Variants in SUCLG2 observed in about 807,000 individuals in gnomAD.
SUCLG2 encodes the protein succinate-CoA ligase GDP-forming subunit beta.
Under a neutral mutation model 47.9 loss-of-function variants are expected in SUCLG2, and 42 were observed. That is an observed-to-expected ratio of 0.88 (90% CI 0.69 to 1.14). SUCLG2 has a LOEUF of 1.14. Ranked by LOEUF, SUCLG2 falls within the 50% of genes most tolerant of loss-of-function variation. SUCLG2 has a pLI of 0.00. For synonymous variants in SUCLG2, 195 were observed against 197.3 expected, an observed-to-expected ratio of 0.99 and a Z score of 0.10; for missense variants, 571 against 525.9, an observed-to-expected ratio of 1.09 and a Z score of -0.84.
At chr3:67,625,306 T>A (rs1442539759) in intron 1 of SUCLG2, among the ~76,000 whole-genome samples, 1 of 152,210 alleles carries the variant, frequency 6.6e-6, no homozygotes, top group Non-Finnish European at 1.5e-5. Flanking sequence ...TGTTTGTTTA[T>A]GCTAACTGCA....
intron 2 of SUCLG2, among the ~76,000 whole-genome samples, chr3:67,576,779 G>C (rs1012997190): frequency 6.6e-6 from 1 of 152,216 alleles, no homozygotes; most frequent in African/African-American, 2.4e-5. Flanking sequence ...GGTTGGAGGC[G>C]AAAAGCATGT....
chr3:67,482,894 C>A (rs1033363044), intron 9 of SUCLG2, among the ~76,000 whole-genome samples: 1 of 152,138 alleles, frequency 6.6e-6, no homozygotes, highest in Non-Finnish European at 1.5e-5. Flanking sequence ...AGAGCAGACA[C>A]CTAAACGTTT....
Position 67,528,175 on chromosome 3 carries a change from A to G in SUCLG2, c.374T>C (p.Leu125Pro). ...QLAKQMIGYNLATKQTPKEGV... is the reference protein window; with the variant it reads ...QLAKQMIGYNPATKQTPKEGV... Reference sequence around the variant, plus strand: ...TTCTTTTGGAGTTTGTTTTGTCGCTAGATTGTACCCAATCATCTGTTTAGC... The same window carrying G: ...TTCTTTTGGAGTTTGTTTTGTCGCTGGATTGTACCCAATCATCTGTTTAGC... The change falls in exon 4 of 11, where the codon CTA (leucine) becomes CCA (proline). Residue 125 changes from leucine to proline, a missense_variant. Transcript: ENST00000307227. 6.2e-7 allele frequency: 1 copy of G among 1,613,948 alleles called. No homozygotes were observed. Among genetic ancestry groups the G allele is most frequent in the Non-Finnish European group, 8.5e-7 (1 of 1,179,896 alleles).
At chr3:67,537,663 T>C (rs1706584009) in intron 2 of SUCLG2, among the ~76,000 whole-genome samples, 1 of 152,220 alleles carries the variant, frequency 6.6e-6, no homozygotes, top group Admixed American at 6.5e-5. Context: ...TCTACAATGG[T>C]TGAACTAATT....
Position 67,468,709 on chromosome 3 carries a change from C to A in SUCLG2, c.1062+27089G>T, listed in dbSNP as rs141525503. On this transcript the variant is annotated intron_variant, in intron 9 of 10. Coordinates refer to ENST00000307227, the MANE Select transcript of SUCLG2 (RefSeq NM_003848.4). Reference sequence around the variant, plus strand: ...CTCGGGCTCCATCCACCAATGACTGCAGCTGCATAGCAGACTCCAAGCAGG... The same window carrying A: ...CTCGGGCTCCATCCACCAATGACTGAAGCTGCATAGCAGACTCCAAGCAGG... Among the ~76,000 whole-genome samples, 677 of 152,208 alleles carry A rather than the reference C, an allele frequency of 4.4e-3. 11 individuals are homozygous for A. The East Asian group carries it at 0.058, about 13-fold the overall frequency.
intron 4 of SUCLG2, among the ~76,000 whole-genome samples, chr3:67,527,832 C>T (rs188464571): frequency 5.3e-5 from 8 of 152,266 alleles, no homozygotes; most frequent in Admixed American, 3.3e-4. Context: ...TCACAGCAAG[C>T]GCTTCTCAAC....
chr3:67,468,433 C>T (rs1704526883), intron 9 of SUCLG2, among the ~76,000 whole-genome samples: 1 of 152,290 alleles, frequency 6.6e-6, no homozygotes, highest in Middle Eastern at 3.4e-3. Flanking sequence ...GGACCTGTAA[C>T]TGCTCTAACA....
At chr3:67,559,664 A>C (rs1707256474) in intron 2 of SUCLG2, among the ~76,000 whole-genome samples, 1 of 152,246 alleles carries the variant, frequency 6.6e-6, no homozygotes, top group South Asian at 2.1e-4. Context: ...TGTAAAGAAA[A>C]AAATAAAATT....
At chr3:67,589,123 G>T (rs1478464957) in intron 2 of SUCLG2, among the ~76,000 whole-genome samples, 1 of 152,074 alleles carries the variant, frequency 6.6e-6, no homozygotes, top group Non-Finnish European at 1.5e-5. Context: ...CACCCACTTG[G>T]AATGCCCTTC....
intron 9 of SUCLG2, among the ~76,000 whole-genome samples, chr3:67,438,577 T>C (rs1703681880): frequency 6.6e-6 from 1 of 151,920 alleles, no homozygotes; most frequent in African/African-American, 2.4e-5. Context: ...CCCACAGAAA[T>C]ACAAACTACC....
chr3:67,596,224 G>A (rs539143683), intron 2 of SUCLG2, among the ~76,000 whole-genome samples: 33 of 152,194 alleles, frequency 2.2e-4, no homozygotes, highest in African/African-American at 7.5e-4. Flanking sequence ...CACTTCCATC[G>A]GAAAACACCT....
chr3:67,581,733 C>T (rs1005893308), intron 2 of SUCLG2, among the ~76,000 whole-genome samples: 2 of 152,196 alleles, frequency 1.3e-5, no homozygotes, highest in African/African-American at 4.8e-5. Context: ...AAGTCAGAGA[C>T]ACTTCTTGGA....
chr3:67,571,175 C>G lies in SUCLG2; in HGVS notation c.226+38280G>C, dbSNP rs575991606. ...CTAAACCTGAGGAAATTTTGCCCCC[C>G]ACAGAAGAGAACATTTGGCAATGTC... On this transcript the variant is annotated intron_variant, in intron 2 of 10. Transcript: ENST00000307227. Among the ~76,000 whole-genome samples, 15 of 152,224 alleles carry G rather than the reference C, an allele frequency of 9.9e-5. No homozygotes were observed. The South Asian group carries it at 2.9e-3, about 30-fold the overall frequency.
intron 7 of SUCLG2, among the ~76,000 whole-genome samples, chr3:67,504,050 T>A (rs1705572695): frequency 6.6e-6 from 1 of 152,200 alleles, no homozygotes; most frequent in East Asian, 1.9e-4. Flanking sequence ...AAAAATAATC[T>A]GTCTTCAAGC....
intron 2 of SUCLG2, among the ~76,000 whole-genome samples, chr3:67,532,934 T>A (rs1429114353): frequency 6.6e-6 from 1 of 152,170 alleles, no homozygotes; most frequent in African/African-American, 2.4e-5. Flanking sequence ...AATAGTCACA[T>A]GCTAGATAAT....
intron 2 of SUCLG2, among the ~76,000 whole-genome samples, chr3:67,555,233 T>C (rs2107203789): frequency 6.6e-6 from 1 of 152,242 alleles, no homozygotes; most frequent in South Asian, 2.1e-4. Flanking sequence ...ATTGGAAGTA[T>C]CAATATAAAC....
intron 4 of SUCLG2, among the ~76,000 whole-genome samples, chr3:67,521,054 C>A (rs773287111): frequency 1.3e-5 from 2 of 152,170 alleles, no homozygotes; most frequent in Non-Finnish European, 2.9e-5. Flanking sequence ...CAGACGGATT[C>A]TTTTACAGTA....
intron 9 of SUCLG2, among the ~76,000 whole-genome samples, chr3:67,437,381 G>T (rs1703649865): frequency 6.6e-6 from 1 of 152,014 alleles, no homozygotes; most frequent in Non-Finnish European, 1.5e-5. Context: ...CAAAAATGCT[G>T]GTATTATTTT....
At chr3:67,539,120 C>T (rs573957281) in intron 2 of SUCLG2, among the ~76,000 whole-genome samples, 1 of 152,300 alleles carries the variant, frequency 6.6e-6, no homozygotes, top group Admixed American at 6.5e-5. Context: ...TGAGAGAGGG[C>T]ATCCTTGTCT....
Sources: gnomAD v4.1 joint callset for allele counts (sites outside exome capture counted in the v4.1 genomes callset) on GRCh38, gnomAD v4.1.1 for gene constraint, MANE v1.5 for transcripts, NCBI Gene and HGNC (gene_info 2026-07-23, HGNC 2026-07-21) for gene names.